The following IQGAP3 variants were observed in gnomAD, a reference collection of about 807,000 sequenced individuals.
IQGAP3 encodes ras GTPase-activating-like protein IQGAP3.
IQGAP3 carries 165 observed loss-of-function variants against 208.2 expected under a neutral mutation model. The observed-to-expected ratio is 0.79, with a 90% CI of 0.70 to 0.90. IQGAP3 has a LOEUF of 0.90. IQGAP3 is among the 40% of genes least tolerant of loss of function. The pLI is 0.00. For synonymous variants in IQGAP3, 703 were observed against 803.6 expected (o/e 0.87, Z 2.12); for missense variants, 1,811 against 2,043.1 (o/e 0.89, Z 2.19).
rs2102363569 is a variant in IQGAP3 at position 156,533,780 on chromosome 1, G to A, written c.3969C>T (p.Asp1323=). ...GCTAAGGAGGGCACGTACCAATAAGGTCAGGGATGGTGGGCAGCTCCCCAA... is the reference window on the plus strand; with the variant it reads ...GCTAAGGAGGGCACGTACCAATAAGATCAGGGATGGTGGGCAGCTCCCCAA... ...EDLGELPTIP[D]LIGESIAADG... is the part of the protein sequence containing the mutation. Residue 1323 remains aspartate (D), a synonymous_variant, in exon 31 of 38, where the codon GAC becomes GAT. Coordinates refer to ENST00000361170, the MANE Select transcript of IQGAP3 (RefSeq NM_178229.5). 1.2e-6 allele frequency: 2 copies of A among 1,613,340 alleles called. No individual in the cohort carries two copies. The highest frequency in any genetic ancestry group is 4.5e-5 in the East Asian group (2 of 44,880).
rs1287004029 is a variant in IQGAP3, at chr1:156,534,506, C to G, written c.3735G>C (p.Lys1245Asn). The change falls in exon 29 of 38, where the codon AAG (lysine) becomes AAC (asparagine). Residue 1245 changes from lysine to asparagine, a missense_variant. Coordinates refer to ENST00000361170, the MANE Select transcript of IQGAP3 (RefSeq NM_178229.5). ...AGAGGAAAGGGACCCAAGACCTGAA[C>G]TTGAGGTGTGTTTCCTCCAGATAGT... ...LNDYLEETHL[K>N]FRKFIHRACQ... The G allele has an allele frequency of 6.4e-7, 1 of 1,567,462 alleles. No individual in the cohort carries two copies. The highest frequency in any genetic ancestry group is 8.6e-7 in the Non-Finnish European group (1 of 1,156,954).
chr1:156,564,653 C>A lies in IQGAP3; in HGVS notation c.399G>T (p.Lys133Asn). 1.2e-6 allele frequency: 2 copies of A among 1,613,946 alleles called. No homozygotes were observed. The highest frequency in any genetic ancestry group is 1.7e-6 in the Non-Finnish European group (2 of 1,179,880). Reference protein sequence around the residue: ...FPETTDIYDKKNMPRVVYCIH... With the variant: ...FPETTDIYDKNNMPRVVYCIH... ...TGCAGTAGACTACCCGGGGCATGTTCTTTTTGTCATAGATGTCCGTGGTCT... is the reference window on the plus strand; with the variant it reads ...TGCAGTAGACTACCCGGGGCATGTTATTTTTGTCATAGATGTCCGTGGTCT... Residue 133 changes from lysine (K) to asparagine (N), a missense_variant, in exon 5 of 38, where the codon AAG becomes AAT. Lys to Asn is a moderately conservative substitution (Grantham distance 94). Coordinates refer to ENST00000361170, the MANE Select transcript of IQGAP3 (RefSeq NM_178229.5).
At chr1:156,536,460 G>A (rs1017392364) in intron 27 of IQGAP3, among the ~76,000 whole-genome samples, 2 of 152,160 alleles carry the variant, frequency 1.3e-5, no homozygotes, top group African/African-American at 2.4e-5. Context: ...GGTGGTTACC[G>A]GAGTCTGGGG....
In IQGAP3 at chr1:156,566,556, T is replaced by C; in HGVS notation, c.126-10A>G. The C allele has an allele frequency of 6.2e-7, 1 of 1,613,596 alleles. No individual in the cohort carries two copies. The highest frequency in any genetic ancestry group is 8.5e-7 in the Non-Finnish European group (1 of 1,179,632). ...GCAGGCCTCCATCCAGCTATGAACA[T>C]GAGAACACCTTCTCACGCACTCTGG... On this transcript the variant is annotated splice_polypyrimidine_tract_variant and intron_variant, in intron 2 of 37. Transcript: ENST00000361170.
chr1:156,563,689 C>T, intron 6 of IQGAP3, 23 bp from the exon 7 acceptor site: 3 of 1,609,910 alleles, frequency 1.9e-6, no homozygotes, highest in African/African-American at 1.3e-5. Flanking sequence ...CACAGGTGCC[C>T]TTCATCAGGC....
At position 156,526,458 on chromosome 1, in the gene IQGAP3, G is replaced by T; in HGVS notation, c.*28C>A. 1 of 1,414,614 alleles carries T rather than the reference G, an allele frequency of 7.1e-7. No homozygotes were observed. Among genetic ancestry groups the T allele is most frequent in the Admixed American group, 1.7e-5 (1 of 59,716 alleles). 87.6% of individuals were successfully genotyped at this position (1,414,614 alleles called of 1,614,324 possible). A position where few individuals can be genotyped will look rare whatever the true frequency, so the allele number is the denominator to read the frequency against. On this transcript the variant is annotated 3_prime_UTR_variant, in exon 38 of 38. Transcript: ENST00000361170. ...AAAGAAAGCATCCAGAGAGGTAAGA[G>T]GGGCTTGGGTAGCACCCTTTGCCTC...
At chr1:156,547,016 T>C (rs1021619943) in intron 19 of IQGAP3, among the ~76,000 whole-genome samples, 1 of 152,230 alleles carries the variant, frequency 6.6e-6, no homozygotes, top group South Asian at 2.1e-4. Flanking sequence ...CTCTTGGCAT[T>C]CAAAGAAGTT....
At position 156,539,478 on chromosome 1, in the gene IQGAP3, C is replaced by T. The variant is rs1377972699; in HGVS notation, c.2952G>A (p.Lys984=). 1.9e-6 allele frequency: 3 copies of T among 1,614,180 alleles called. No individual in the cohort carries two copies. Among genetic ancestry groups the T allele is most frequent in the Non-Finnish European group, 2.5e-6 (3 of 1,180,032 alleles). The change falls in exon 25 of 38, where the codon AAG becomes AAA. Residue 984 remains lysine (K), a synonymous_variant. Coordinates refer to ENST00000361170, the MANE Select transcript of IQGAP3 (RefSeq NM_178229.5). ...GGCTGAAAATCACTGCCTCCATGAACTTGGTGGTTTTGTTCTGTGGCATCT... is the reference window on the plus strand; with the variant it reads ...GGCTGAAAATCACTGCCTCCATGAATTTGGTGGTTTTGTTCTGTGGCATCT... ...IFQMPQNKTT[K]FMEAVIFSLY...
chr1:156,550,530 C>T (rs546462875), intron 15 of IQGAP3, among the ~76,000 whole-genome samples, 179 bp from the exon 16 acceptor site: 106 of 152,282 alleles, frequency 7.0e-4, no homozygotes, highest in African/African-American at 2.2e-3. Context: ...CCCTGGGACG[C>T]GGCCAGGCTC....
chr1:156,535,124 G>A, intron 28 of IQGAP3, 39 bp downstream of exon 28: 1 of 1,426,002 alleles, frequency 7.0e-7, no homozygotes, highest in Non-Finnish European at 9.9e-7. Context: ...GCAAAGCAAA[G>A]GAGGGATTGG....
chr1:156,528,739 G>T, intron 35 of IQGAP3, 129 bp from the exon 36 acceptor site: 1 of 1,023,518 alleles, frequency 9.8e-7, no homozygotes. Flanking sequence ...CAGAGGAGGG[G>T]GGCTGCACTT....
intron 24 of IQGAP3, 126 bp downstream of exon 24, chr1:156,539,712 G>A: frequency 3.2e-6 from 4 of 1,246,816 alleles, no homozygotes; most frequent in Non-Finnish European, 4.6e-6. Context: ...CCTTTCCTGG[G>A]GATAAGGAAT....
chr1:156,547,388 G>GACACACAC (rs61344699), intron 19 of IQGAP3, among the ~76,000 whole-genome samples: 12,876 of 147,318 alleles, frequency 0.087, 668 homozygotes, highest in Non-Finnish European at 0.12. Flanking sequence ...CAGACACACA[G>GACACACAC]ACACACACAC....
chr1:156,530,901 T>C (rs1000779702), intron 33 of IQGAP3, among the ~76,000 whole-genome samples: 1 of 152,172 alleles, frequency 6.6e-6, no homozygotes, highest in Non-Finnish European at 1.5e-5. Context: ...GTGCCCCCCA[T>C]AGCCCTAGTG....
At chr1:156,528,183 C>G in intron 36 of IQGAP3, 123 bp from the exon 37 acceptor site, 1 of 732,864 alleles carries the variant, frequency 1.4e-6, no homozygotes, top group Non-Finnish European at 2.4e-6. Context: ...TTCCCTCTGT[C>G]ACTCCCAGAG....
chr1:156,570,278 T>G (rs1676590503), intron 1 of IQGAP3, among the ~76,000 whole-genome samples: 1 of 152,228 alleles, frequency 6.6e-6, no homozygotes, highest in African/African-American at 2.4e-5. Context: ...TGGTGGCTCA[T>G]GCCTATAATC....
chr1:156,534,311 G>A (rs1674576190), intron 29 of IQGAP3, among the ~76,000 whole-genome samples, 170 bp from the exon 30 acceptor site: 1 of 152,134 alleles, frequency 6.6e-6, no homozygotes, highest in African/African-American at 2.4e-5. Flanking sequence ...GACCCCTCAA[G>A]ACAATCTCTC....
Position 156,529,086 on chromosome 1 carries a change from G to A in IQGAP3, c.4405-4C>T, listed in dbSNP as rs771864676. On this transcript the variant is annotated splice_region_variant and splice_polypyrimidine_tract_variant and intron_variant, in intron 34 of 37. Transcript: ENST00000361170. ...GTCTGTGCTGGTTGCGGATGTCCTGGGGTTGGGGAACAGATGGAGGGATGA... is the reference window on the plus strand; with the variant it reads ...GTCTGTGCTGGTTGCGGATGTCCTGAGGTTGGGGAACAGATGGAGGGATGA... The A allele has an allele frequency of 6.2e-7, 1 of 1,613,912 alleles. No homozygotes were observed. Among genetic ancestry groups the A allele is most frequent in the Non-Finnish European group, 8.5e-7 (1 of 1,179,824 alleles).
intron 29 of IQGAP3, among the ~76,000 whole-genome samples, 158 bp from the exon 30 acceptor site, chr1:156,534,299 G>A (rs1674574522): frequency 6.6e-6 from 1 of 152,140 alleles, no homozygotes; most frequent in Non-Finnish European, 1.5e-5. Flanking sequence ...CTCTGTCCCA[G>A]TGACCCCTCA....
Sources: allele counts gnomAD v4.1 joint callset (sites outside exome capture counted in the v4.1 genomes callset), GRCh38; gene constraint gnomAD v4.1.1; transcripts MANE v1.5; gene names NCBI Gene and HGNC (gene_info 2026-07-23, HGNC 2026-07-21).